The following NEK10 variants were observed in gnomAD, a reference collection of about 807,000 sequenced individuals.
NEK10 encodes the protein serine/threonine-protein kinase Nek10.
NEK10 carries 122 observed loss-of-function variants against 159.8 expected under a neutral mutation model. That is an observed-to-expected ratio of 0.76 (90% CI 0.66 to 0.89). The LOEUF (loss-of-function observed/expected upper bound fraction) is 0.89. Ranked by LOEUF, NEK10 falls within the 40% of genes least tolerant of loss-of-function variation. The pLI, the probability that NEK10 is intolerant of heterozygous loss-of-function variation, is 0.00. For missense variants in NEK10, 1,342 were observed against 1,323.1 expected (o/e 1.01, Z -0.22); for synonymous variants, 466 against 457.1 (o/e 1.02, Z -0.25).
At chr3:27,357,997 T>C (rs1408324148) in intron 1 of NEK10, among the ~76,000 whole-genome samples, 1 of 152,206 alleles carries the variant, frequency 6.6e-6, no homozygotes, top group Non-Finnish European at 1.5e-5. Flanking sequence ...AAGGATTCTA[T>C]TGCTAAAATA....
intron 31 of NEK10, among the ~76,000 whole-genome samples, chr3:27,136,180 T>TCATCTCAC (rs1426727217): frequency 7.2e-6 from 1 of 139,370 alleles, no homozygotes; most frequent in Non-Finnish European, 1.5e-5. Flanking sequence ...TGGCGCCATC[T>TCATCTCAC]CATCTCACTG....
chr3:27,188,608 T>C (rs373103864), intron 26 of NEK10, among the ~76,000 whole-genome samples: 5 of 152,216 alleles, frequency 3.3e-5, no homozygotes, highest in Non-Finnish European at 7.4e-5. Context: ...GGAAAAGTAG[T>C]TGTGATTCCT....
intron 32 of NEK10, among the ~76,000 whole-genome samples, chr3:27,131,607 G>T (rs1423691374): frequency 6.6e-6 from 1 of 152,020 alleles, no homozygotes; most frequent in Non-Finnish European, 1.5e-5. Context: ...TCTAGAAGAG[G>T]CTAAAATATA....
At chr3:27,230,338 C>T (rs150259902) in intron 23 of NEK10, among the ~76,000 whole-genome samples, 27 of 152,098 alleles carry the variant, frequency 1.8e-4, no homozygotes, top group East Asian at 3.9e-4. Flanking sequence ...TTTGCCACTA[C>T]GAAACTAGCA....
chr3:27,310,607 T>G, intron 9 of NEK10: 1 of 193,430 alleles, frequency 5.2e-6, no homozygotes, highest in Non-Finnish European at 1.0e-5. Flanking sequence ...ATATGTACAT[T>G]TTGTTTATTT....
chr3:27,251,045 C>T (rs188692893), intron 23 of NEK10, among the ~76,000 whole-genome samples: 2 of 152,202 alleles, frequency 1.3e-5, no homozygotes, highest in South Asian at 2.1e-4. Context: ...CATATGCCAG[C>T]CAGGCACTGT....
intron 22 of NEK10, 151 bp downstream of exon 22, chr3:27,284,451 G>A: frequency 1.8e-6 from 1 of 563,292 alleles, no homozygotes. Context: ...CATTTCAAGT[G>A]CTCAATAGCC....
chr3:27,262,052 C>CT (rs1429370955), intron 22 of NEK10, among the ~76,000 whole-genome samples: 1 of 152,070 alleles, frequency 6.6e-6, no homozygotes, highest in East Asian at 1.9e-4. Flanking sequence ...CAACCCCTCC[C>CT]TTTTTTTGTT....
intron 29 of NEK10, among the ~76,000 whole-genome samples, chr3:27,170,625 G>A (rs2005156): frequency 0.098 from 14,848 of 151,998 alleles, 2,400 homozygotes; most frequent in African/African-American, 0.34. Flanking sequence ...TCAGCTACTC[G>A]GGAGGCGGAG....
intron 1 of NEK10, among the ~76,000 whole-genome samples, chr3:27,362,071 T>A (rs2048727104): frequency 6.6e-6 from 1 of 152,036 alleles, no homozygotes. Flanking sequence ...CAGAAAAAAA[T>A]GTCCAAATGA....
chr3:27,124,271 T>C (rs1002816844), intron 32 of NEK10, among the ~76,000 whole-genome samples: 7 of 152,020 alleles, frequency 4.6e-5, no homozygotes, highest in African/African-American at 1.2e-4. Flanking sequence ...ACAAGATAGA[T>C]TGGAGAACAA....
chr3:27,201,483 CAT>C, intron 25 of NEK10, 25 bp downstream of exon 25: 1 of 1,595,636 alleles, frequency 6.3e-7, no homozygotes, highest in African/African-American at 1.3e-5. Context: ...ATTGTCCCTA[CAT>C]GTCTGAAGCC....
intron 19 of NEK10, among the ~76,000 whole-genome samples, chr3:27,289,709 A>G (rs940260586): frequency 3.9e-5 from 6 of 152,236 alleles, no homozygotes; most frequent in African/African-American, 1.4e-4. Flanking sequence ...ATGAAAGAGC[A>G]CACTGTGGAA....
chr3:27,337,906 A>G (rs982779588), intron 5 of NEK10, among the ~76,000 whole-genome samples: 1 of 151,146 alleles, frequency 6.6e-6, no homozygotes, highest in African/African-American at 2.4e-5. Context: ...GTAGGCAAAG[A>G]TTTTTTTTTA....
At chr3:27,230,604 T>C (rs544702156) in intron 23 of NEK10, among the ~76,000 whole-genome samples, 5 of 151,914 alleles carry the variant, frequency 3.3e-5, no homozygotes, top group Admixed American at 3.3e-4. Context: ...ACCAACCAAA[T>C]ATCTGCTGTC....
At chr3:27,163,601 C>T (rs1353579313) in intron 29 of NEK10, among the ~76,000 whole-genome samples, 1 of 152,070 alleles carries the variant, frequency 6.6e-6, no homozygotes, top group African/African-American at 2.4e-5. Context: ...ATCCACCTGC[C>T]TCAGCCTCCT....
chr3:27,162,263 T>C (rs1354640828), intron 30 of NEK10: 1 of 975,132 alleles, frequency 1.0e-6, no homozygotes, highest in Non-Finnish European at 1.4e-6. Flanking sequence ...GCCCATAATA[T>C]TTCAACCAAC....
At chr3:27,365,597 G>GTTTTTTTTTTTTGTTTTTTTTTT (rs71091128) in intron 1 of NEK10, among the ~76,000 whole-genome samples, 1 of 90,956 alleles carries the variant, frequency 1.1e-5, no homozygotes, top group African/African-American at 4.1e-5. Context: ...GGTTTTTTGT[G>GTTTTTTTTTTTTGTTTTTTTTTT]TTTTTTTTTT....
intron 30 of NEK10, among the ~76,000 whole-genome samples, chr3:27,158,153 A>G (rs1317561236): frequency 6.6e-6 from 1 of 152,168 alleles, no homozygotes; most frequent in Non-Finnish European, 1.5e-5. Flanking sequence ...ATATCTATCA[A>G]AGTTGCAATG....
Sources: gnomAD v4.1 joint callset for allele counts (sites outside exome capture counted in the v4.1 genomes callset) on GRCh38, gnomAD v4.1.1 for gene constraint, MANE v1.5 for transcripts, NCBI Gene and HGNC (gene_info 2026-07-23, HGNC 2026-07-21) for gene names.